Variants in PCDH15 observed in about 807,000 individuals in gnomAD.
PCDH15 encodes protocadherin-15.
PCDH15 carries 129 observed loss-of-function variants against 178.5 expected under a neutral mutation model. The ratio of observed to expected loss-of-function variants is 0.72; its 90% CI spans 0.63 to 0.84. The LOEUF (loss-of-function observed/expected upper bound fraction) is 0.84, where lower values mean the gene tolerates loss of function less well. Ranked by LOEUF, PCDH15 falls within the 40% of genes least tolerant of loss-of-function variation. The pLI is 0.00. For missense variants in PCDH15, 2,230 were observed against 2,099.9 expected (o/e 1.06, Z -1.21); for synonymous variants, 800 against 732.0 (o/e 1.09, Z -1.50).
rs1407322739 is a variant in PCDH15, at chr10:54,974,055, T to TCACA, written c.-79-76556_-79-76555insTGTG. Among the ~76,000 whole-genome samples the TCACA allele has an allele frequency of 3.6e-3, 526 of 147,794 alleles. 2 individuals are homozygous for TCACA. Among genetic ancestry groups the TCACA allele is most frequent in the African/African-American group, 0.013 (510 of 39,716 alleles). On this transcript the variant is annotated intron_variant, in intron 2 of 5. Coordinates refer to the PCDH15 transcript ENST00000458638. ...CTCTCCTTCCTTCTCTCTCTCTCTCTCTCACACACACACACACACACACAC... is the reference window on the plus strand; with the variant it reads ...CTCTCCTTCCTTCTCTCTCTCTCTCTCACACTCACACACACACACACACACACAC...
intron 1 of PCDH15, among the ~76,000 whole-genome samples, chr10:55,198,587 C>A (rs1174501535): frequency 1.3e-5 from 2 of 152,000 alleles, no homozygotes; most frequent in South Asian, 4.1e-4. Flanking sequence ...CCTGGGTTCA[C>A]GCCATTCCCC....
At chr10:54,783,465 G>T (rs371486282) in intron 1 of PCDH15, among the ~76,000 whole-genome samples, 70 of 152,094 alleles carry the variant, frequency 4.6e-4, no homozygotes, top group African/African-American at 1.4e-3. Context: ...AGAAAGCAAA[G>T]TAAACATAGT....
chr10:54,168,565 C>G (rs1446215993), intron 13 of PCDH15, among the ~76,000 whole-genome samples: 2 of 152,180 alleles, frequency 1.3e-5, no homozygotes, highest in African/African-American at 4.8e-5. Flanking sequence ...AGCCCTCCCC[C>G]ACCTGCCCAG....
chr10:54,239,446 A>C (rs1159116842), intron 8 of PCDH15, among the ~76,000 whole-genome samples: 1 of 143,104 alleles, frequency 7.0e-6, no homozygotes, highest in Non-Finnish European at 1.5e-5. Flanking sequence ...GTAAGAACTG[A>C]AGAACTAAAA....
At chr10:54,749,665 A>T (rs534910460) in intron 1 of PCDH15, among the ~76,000 whole-genome samples, 72 of 152,262 alleles carry the variant, frequency 4.7e-4, no homozygotes, top group African/African-American at 1.7e-3. Context: ...CTCCAGTTAC[A>T]TTTTCCAGCT....
intron 2 of PCDH15, among the ~76,000 whole-genome samples, chr10:55,360,827 C>T (rs755949241): frequency 1.3e-5 from 2 of 151,968 alleles, no homozygotes; most frequent in East Asian, 1.9e-4. Context: ...CTTAGAAATT[C>T]TATATCTGTT....
At chr10:55,009,479 A>G (rs898773295) in intron 2 of PCDH15, among the ~76,000 whole-genome samples, 1 of 152,120 alleles carries the variant, frequency 6.6e-6, no homozygotes, top group African/African-American at 2.4e-5. Context: ...TTTATTCACG[A>G]GAGTTGTAGT....
intron 19 of PCDH15, among the ~76,000 whole-genome samples, chr10:54,021,250 A>G (rs1257751514): frequency 6.6e-6 from 1 of 152,046 alleles, no homozygotes; most frequent in African/African-American, 2.4e-5. Flanking sequence ...CACCTCAGGT[A>G]CAGAAAACCG....
rs141868402 is a variant in PCDH15, at chr10:54,957,020, A to C, written c.-79-59520T>G. ...GAAGCAGTTTGGTATGACAGAAAAA[A>C]AATGCCCTGTACTGAGTTATAAGAC... is the stretch of plus-strand genomic sequence containing the variant. On this transcript the variant is annotated intron_variant, in intron 2 of 5. Transcript: ENST00000458638. 1.4e-3 allele frequency among the ~76,000 whole-genome samples: 209 copies of C among 151,758 alleles called. 2 individuals carry two copies. The highest frequency in any genetic ancestry group is 4.9e-3 in the African/African-American group (204 of 41,514).
chr10:54,024,216 G>T, intron 18 of PCDH15, among the ~76,000 whole-genome samples: 1 of 152,196 alleles, frequency 6.6e-6, no homozygotes, highest in South Asian at 2.1e-4. Context: ...TACTAATTAT[G>T]AATCTCACTA....
intron 6 of PCDH15, among the ~76,000 whole-genome samples, chr10:54,337,699 C>G (rs7077628): frequency 3.9e-5 from 6 of 152,082 alleles, no homozygotes; most frequent in Admixed American, 3.9e-4. Context: ...CTGACAGAAA[C>G]TTCTGGTTTG....
At chr10:54,589,554 G>A (rs1288301404) in intron 2 of PCDH15, among the ~76,000 whole-genome samples, 2 of 152,100 alleles carry the variant, frequency 1.3e-5, no homozygotes, top group Non-Finnish European at 2.9e-5. Context: ...TATCATTTAT[G>A]TCTATCAATG....
At chr10:54,736,324 A>G (rs1944111160) in intron 1 of PCDH15, among the ~76,000 whole-genome samples, 1 of 152,114 alleles carries the variant, frequency 6.6e-6, no homozygotes, top group Non-Finnish European at 1.5e-5. Flanking sequence ...CAAATGATCA[A>G]TAATCCATTA....
intron 26 of PCDH15, among the ~76,000 whole-genome samples, chr10:53,872,949 A>G (rs1351271984): frequency 6.6e-6 from 1 of 152,198 alleles, no homozygotes; most frequent in Non-Finnish European, 1.5e-5. Flanking sequence ...GAAGGTACTT[A>G]TGCCTTAATC....
intron 2 of PCDH15, among the ~76,000 whole-genome samples, chr10:55,540,109 A>G (rs1412569420): frequency 3.3e-5 from 5 of 152,116 alleles, no homozygotes; most frequent in Non-Finnish European, 7.4e-5. Context: ...GCTATCACCA[A>G]TTGATACAAC....
chr10:55,260,500 T>A (rs111913962), intron 1 of PCDH15, among the ~76,000 whole-genome samples: 33 of 150,480 alleles, frequency 2.2e-4, no homozygotes, highest in African/African-American at 7.7e-4. Flanking sequence ...CAAATACTAA[T>A]AAATTAGTCA....
chr10:54,791,776 G>C (rs907388169), intron 1 of PCDH15, among the ~76,000 whole-genome samples: 1 of 151,750 alleles, frequency 6.6e-6, no homozygotes, highest in African/African-American at 2.4e-5. Context: ...TCTGACCACC[G>C]CACTGCTAAT....
At chr10:54,710,423 T>G (rs2095417169) in intron 1 of PCDH15, among the ~76,000 whole-genome samples, 1 of 152,052 alleles carries the variant, frequency 6.6e-6, no homozygotes, top group Admixed American at 6.6e-5. Flanking sequence ...TAGGTTAAAT[T>G]TCTGAGCGAA....
intron 21 of PCDH15, among the ~76,000 whole-genome samples, chr10:53,989,814 C>A (rs1375750877): frequency 6.6e-6 from 1 of 151,982 alleles, no homozygotes; most frequent in Non-Finnish European, 1.5e-5. Flanking sequence ...TACAGACTAA[C>A]AACACAAGCC....
Sources: gnomAD v4.1 joint callset for allele counts (sites outside exome capture counted in the v4.1 genomes callset) on GRCh38, gnomAD v4.1.1 for gene constraint, MANE v1.5 for transcripts, NCBI Gene and HGNC (gene_info 2026-07-23, HGNC 2026-07-21) for gene names.